Variants in EIF3A observed in about 807,000 individuals in gnomAD.
The protein encoded by EIF3A is EIF3, p180 subunit.
In EIF3A, 21 loss-of-function variants were observed where a neutral mutation model predicts 186.6. The observed-to-expected ratio is 0.11, with a 90% confidence interval of 0.08 to 0.16. EIF3A has a LOEUF of 0.16. EIF3A is among the 10% of genes least tolerant of loss of function. The pLI, the probability that EIF3A is intolerant of heterozygous loss-of-function variation, is 1.00. For missense variants in EIF3A, 1,306 were observed against 1,796.3 expected (o/e 0.73, Z 4.93); for synonymous variants, 563 against 584.3 (o/e 0.96, Z 0.52).
chr10:119,045,084 A>G (rs951719676), intron 17 of EIF3A, among the ~76,000 whole-genome samples: 1 of 151,786 alleles, frequency 6.6e-6, no homozygotes, highest in African/African-American at 2.4e-5. Context: ...AGCTAGGACT[A>G]CAAGCGCCTG....
Position 119,066,552 on chromosome 10 carries a change from A to G in EIF3A, c.951-982T>C, listed in dbSNP as rs563261963. Among the ~76,000 whole-genome samples the G allele has an allele frequency of 2.8e-4, 41 of 144,120 alleles. 3 individuals are homozygous for G. The South Asian group carries it at 8.5e-3, about 30-fold the overall frequency. The allele number at this position is 144,120 out of a possible 152,430, so 94.5% of individuals were successfully genotyped here. On this transcript the variant is annotated intron_variant, in intron 6 of 21. Coordinates refer to ENST00000369144, the MANE Select transcript of EIF3A (RefSeq NM_003750.4). Reference sequence around the variant, plus strand: ...AAAAAAAAAAAAACCTAAGGAAGTAAGTGGCAATAAGGCAGAAAAAAATTT... The same window carrying G: ...AAAAAAAAAAAAACCTAAGGAAGTAGGTGGCAATAAGGCAGAAAAAAATTT...
chr10:119,078,523 T>G (rs1844210999), intron 1 of EIF3A, among the ~76,000 whole-genome samples: 2 of 152,132 alleles, frequency 1.3e-5, no homozygotes, highest in South Asian at 4.1e-4. Flanking sequence ...GATCCTTCAC[T>G]TATGTTTTGG....
intron 6 of EIF3A, among the ~76,000 whole-genome samples, chr10:119,067,816 ATTTT>A (rs560028052): frequency 2.0e-5 from 3 of 147,134 alleles, no homozygotes; most frequent in Non-Finnish European, 4.5e-5. Context: ...GTCCAATAGC[ATTTT>A]TTTTTTTTGA....
At chr10:119,079,410 A>G (rs1224784984) in intron 1 of EIF3A, among the ~76,000 whole-genome samples, 1 of 152,206 alleles carries the variant, frequency 6.6e-6, no homozygotes, top group Non-Finnish European at 1.5e-5. Flanking sequence ...TGCCATTTTC[A>G]TAAGATGAAT....
rs2119819946 is a variant in EIF3A, at chr10:119,069,709, TA to T, written c.742-56del. 1.0e-5 allele frequency: 9 copies of T among 869,904 alleles called. No homozygotes were observed. The South Asian group carries it at 1.3e-4, about 12-fold the overall frequency. The allele number at this position is 869,904 out of a possible 1,614,324, so 53.9% of individuals were successfully genotyped here. On this transcript the variant is annotated intron_variant, in intron 5 of 21. Coordinates refer to ENST00000369144, the MANE Select transcript of EIF3A (RefSeq NM_003750.4). The stretch of plus-strand genomic sequence containing the variant: ...TGCATTCTATAACACGAAAAAAATC[TA>T]ATTCAAATTTCTATGAAACCTACAA...
At chr10:119,037,905 G>C (rs1022637065) in intron 20 of EIF3A, among the ~76,000 whole-genome samples, 1 of 127,884 alleles carries the variant, frequency 7.8e-6, no homozygotes. Flanking sequence ...CTTTAAGAGG[G>C]AATTTTTTTT....
intron 6 of EIF3A, among the ~76,000 whole-genome samples, chr10:119,067,141 G>A (rs897896720): frequency 2.2e-4 from 33 of 151,982 alleles, no homozygotes; most frequent in African/African-American, 3.6e-4. Context: ...GCTCGAACCC[G>A]GGAGGCAGAG....
At chr10:119,062,027 C>T (rs1843896352) in intron 7 of EIF3A, among the ~76,000 whole-genome samples, 2 of 152,158 alleles carry the variant, frequency 1.3e-5, no homozygotes, top group South Asian at 2.1e-4. Context: ...GCAAGGAGGG[C>T]ACCCACACAT....
chr10:119,037,067 C>A lies in EIF3A; in HGVS notation c.3919+52G>T, dbSNP rs571748413. The stretch of plus-strand genomic sequence containing the variant: ...ATAATTAAATAACCCAAATCCCCCC[C>A]CCCCCAGAAACGACAGTTCTCCAAT... On this transcript the variant is annotated intron_variant, in intron 21 of 21. Transcript: ENST00000369144. 4.4e-4 allele frequency: 359 copies of A among 819,584 alleles called. 30 individuals are homozygous for A. In the South Asian group the frequency reaches 5.5e-3, roughly 13 times the overall value. The allele number at this position is 819,584 out of a possible 1,614,324, so 50.8% of individuals were successfully genotyped here. A position where few individuals can be genotyped will look rare whatever the true frequency, so the allele number is the denominator to read the frequency against.
At chr10:119,072,284 C>T (rs1269140113) in intron 4 of EIF3A, among the ~76,000 whole-genome samples, 2 of 137,302 alleles carry the variant, frequency 1.5e-5, no homozygotes, top group Non-Finnish European at 3.1e-5. Flanking sequence ...TTCAGTTATA[C>T]AGAGAATTCC....
rs768855400 is a variant in EIF3A at position 119,072,876 on chromosome 10, T to C, written c.541+14A>G. ...TTCAAAGCACTTCACTCAGATTTGA[T>C]CTTCTCATCTTACCTTGCTGGGCAA... is the stretch of plus-strand genomic sequence containing the variant. On this transcript the variant is annotated intron_variant, in intron 4 of 21. Transcript: ENST00000369144. The C allele has an allele frequency of 1.3e-6, 2 of 1,596,504 alleles. No individual in the cohort carries two copies. The highest frequency in any genetic ancestry group is 2.2e-5 in the East Asian group (1 of 44,718).
intron 15 of EIF3A, among the ~76,000 whole-genome samples, chr10:119,050,927 A>G (rs1211688055): frequency 6.6e-6 from 1 of 152,272 alleles, no homozygotes; most frequent in South Asian, 2.1e-4. Context: ...TGGTCAAATT[A>G]GAATCTAAGC....
intron 18 of EIF3A, among the ~76,000 whole-genome samples, chr10:119,043,053 G>A (rs567121705): frequency 6.6e-6 from 1 of 152,154 alleles, no homozygotes; most frequent in South Asian, 2.1e-4. Flanking sequence ...GAAGGCCAAG[G>A]CGGGAGGATT....
Position 119,042,438 on chromosome 10 carries a change from T to C in EIF3A, c.3082A>G (p.Ser1028Gly). 1 of 1,614,064 alleles carries C rather than the reference T, an allele frequency of 6.2e-7. No homozygotes were observed. Among genetic ancestry groups the C allele is most frequent in the Non-Finnish European group, 8.5e-7 (1 of 1,180,010 alleles). The stretch of plus-strand genomic sequence containing the variant: ...CTGTCCTCATCAGCTGTTCGCCAGC[T>C]TCCTCTGTCCTCATCCAGTCCTCGT... ...PRRGLDEDRG[S>G]WRTADEDRGP... Residue 1028 changes from serine (S) to glycine (G), a missense_variant, in exon 19 of 22, where the codon AGC becomes GGC. Ser to Gly is a moderately conservative substitution (Grantham distance 56, BLOSUM62 0). This residue lies in a region of EIF3A where 410 missense variants were observed against 473.5 expected (regional missense o/e 0.87). Transcript: ENST00000369144. The surrounding 1 kb of genome is among the most constrained non-coding windows in gnomAD (Gnocchi z 7.8).
intron 6 of EIF3A, among the ~76,000 whole-genome samples, 177 bp downstream of exon 6, chr10:119,069,269 T>G (rs1367807666): frequency 6.6e-6 from 1 of 152,210 alleles, no homozygotes; most frequent in African/African-American, 2.4e-5. Flanking sequence ...AAGCTGAGGA[T>G]GCTGCTAAAC....
Position 119,043,943 on chromosome 10 carries a change from ATTC to A in EIF3A, c.2747+108_2747+110del. 3.6e-6 allele frequency: 3 copies of A among 824,474 alleles called. No individual in the cohort carries two copies. The South Asian group carries it at 4.5e-5, about 12-fold the overall frequency. 51.1% of individuals were successfully genotyped at this position (824,474 alleles called of 1,614,324 possible). ...CCACACGCAATCAGACATGCACACA[ATTC>A]TTCATGGCTCTCCTTTCCCTGCCTC... On this transcript the variant is annotated intron_variant, in intron 18 of 21. Transcript: ENST00000369144.
chr10:119,035,993 G>T lies in EIF3A; in HGVS notation c.*46C>A. ...CACAAGTATAATAATCCTTGAATGT[G>T]ATCAAACCTATTTAAGACACCAGTT... On this transcript the variant is annotated 3_prime_UTR_variant, in exon 22 of 22. Coordinates refer to ENST00000369144, the MANE Select transcript of EIF3A (RefSeq NM_003750.4). 1.4e-6 allele frequency: 2 copies of T among 1,417,108 alleles called. No homozygotes were observed. Among genetic ancestry groups the T allele is most frequent in the South Asian group, 1.1e-5 (1 of 86,966 alleles). The allele number at this position is 1,417,108 out of a possible 1,614,324, so 87.8% of individuals were successfully genotyped here. A position where few individuals can be genotyped will look rare whatever the true frequency, so the allele number is the denominator to read the frequency against.
At chr10:119,052,368 TTGTGTGTG>T (rs61029991) in intron 14 of EIF3A, among the ~76,000 whole-genome samples, 7 of 122,970 alleles carry the variant, frequency 5.7e-5, no homozygotes, top group South Asian at 2.6e-4. Flanking sequence ...TTTTTTGGTT[TTGTGTGTG>T]TGTGTGTGTG....
chr10:119,039,673 G>A (rs78699490), intron 19 of EIF3A, among the ~76,000 whole-genome samples: 4,312 of 152,046 alleles, frequency 0.028, 198 homozygotes, highest in African/African-American at 0.098. Flanking sequence ...ACCTCAAAAA[G>A]AGAAAAAACA....
Sources: allele counts gnomAD v4.1 joint callset (sites outside exome capture counted in the v4.1 genomes callset), GRCh38; gene constraint gnomAD v4.1.1; regional missense constraint gnomAD v4.1.1; non-coding constraint Gnocchi (gnomAD v3.1); transcripts MANE v1.5; gene names NCBI Gene and HGNC (gene_info 2026-07-23, HGNC 2026-07-21).